The following PRTG variants were observed in gnomAD, a reference collection of about 807,000 sequenced individuals.
PRTG encodes the protein protogenin.
In PRTG, 67 loss-of-function variants were observed where a neutral mutation model predicts 122.5. That is an observed-to-expected ratio of 0.55 (90% CI 0.45 to 0.67). The LOEUF is 0.67. PRTG is among the 30% of genes least tolerant of loss of function. PRTG has a pLI of 0.00. For missense variants in PRTG, 1,435 were observed against 1,415.4 expected (o/e 1.01, Z -0.22); for synonymous variants, 554 against 501.1 (o/e 1.11, Z -1.41).
At chr15:55,737,731 C>T in intron 2 of PRTG, among the ~76,000 whole-genome samples, 1 of 151,884 alleles carries the variant, frequency 6.6e-6, no homozygotes, top group Non-Finnish European at 1.5e-5. Flanking sequence ...GCTTCTAGTT[C>T]CTAAGTTTAG....
intron 2 of PRTG, among the ~76,000 whole-genome samples, chr15:55,730,232 G>A (rs1359920238): frequency 6.6e-6 from 1 of 151,958 alleles, no homozygotes; most frequent in Non-Finnish European, 1.5e-5. Flanking sequence ...CTCCTGAGTA[G>A]CTGGCATTAC....
chr15:55,686,748 C>T, intron 2 of PRTG, among the ~76,000 whole-genome samples: 1 of 152,206 alleles, frequency 6.6e-6, no homozygotes, highest in East Asian at 1.9e-4. Context: ...GTTTCACTAA[C>T]ACTGAGCTAC....
chr15:55,731,875 C>T (rs1424731892), intron 2 of PRTG, among the ~76,000 whole-genome samples: 2 of 152,138 alleles, frequency 1.3e-5, no homozygotes, highest in Non-Finnish European at 1.5e-5. Context: ...GACAGAGATA[C>T]GTTCTGAGAA....
At chr15:55,720,508 T>A (rs4774803) in intron 2 of PRTG, among the ~76,000 whole-genome samples, 91,028 of 152,084 alleles carry the variant, frequency 0.6, 28,007 homozygotes, top group Non-Finnish European at 0.69. Context: ...GATGTTTCAT[T>A]TGTGAAACTT....
At position 55,638,619 on chromosome 15, in the gene PRTG, G is replaced by C. The variant is rs780229876; in HGVS notation, c.2382C>G (p.Ala794=). The C allele has an allele frequency of 1.4e-5, 23 of 1,612,936 alleles. No individual in the cohort carries two copies. The South Asian group carries it at 2.2e-4, about 15-fold the overall frequency. ...GLEPNTKYEF[A]VRLHVDQLSS... Reference sequence around the variant, plus strand: ...AAAGCTGATCCACATGTAATCGAACGGCAAATTCGTATTTGGTGTTTGGTT... The same window carrying C: ...AAAGCTGATCCACATGTAATCGAACCGCAAATTCGTATTTGGTGTTTGGTT... The change falls in exon 14 of 20, where the codon GCC becomes GCG. Residue 794 remains alanine (A), a synonymous_variant. Coordinates refer to ENST00000389286, the MANE Select transcript of PRTG (RefSeq NM_173814.6).
At position 55,683,872 on chromosome 15, in the gene PRTG, G is replaced by T; in HGVS notation, c.457C>A (p.Arg153=). ...STEVHEGGVA[R]FACKISSHPP... ...TGGGATGAAATCTTGCATGCAAATC[G>T]AGCAACTCCACCTTCGTGGACCTCA... Residue 153 remains arginine (R), a synonymous_variant, in exon 3 of 20, where the codon CGA becomes AGA. Coordinates refer to ENST00000389286, the MANE Select transcript of PRTG (RefSeq NM_173814.6). 6.2e-7 allele frequency: 1 copy of T among 1,613,792 alleles called. No individual in the cohort carries two copies. The highest frequency in any genetic ancestry group is 8.5e-7 in the Non-Finnish European group (1 of 1,179,754).
In PRTG at chr15:55,743,147, C is replaced by T. The variant is rs2031678093; in HGVS notation, c.-216G>A. On this transcript the variant is annotated 5_prime_UTR_variant, in exon 1 of 20. Coordinates refer to ENST00000389286, the MANE Select transcript of PRTG (RefSeq NM_173814.6). ...AGGGGCCTGAGAGTCCGGCTGGGGG[C>T]GGAGTGAGGCGGCGGCTGCAGAGGG... 2 of 1,242,036 alleles carry T rather than the reference C, an allele frequency of 1.6e-6. No individual in the cohort carries two copies. The highest frequency in any genetic ancestry group is 1.0e-6 in the Non-Finnish European group (1 of 995,036). The allele number at this position is 1,242,036 out of a possible 1,614,324, so 76.9% of individuals were successfully genotyped here.
intron 10 of PRTG, among the ~76,000 whole-genome samples, chr15:55,672,976 C>A (rs543244994): frequency 6.6e-6 from 1 of 151,976 alleles, no homozygotes; most frequent in African/African-American, 2.4e-5. Context: ...GAAAACCAGT[C>A]GTGTTACATT....
intron 12 of PRTG, 32 bp from the exon 13 acceptor site, chr15:55,639,860 C>A (rs370568879): frequency 1.9e-6 from 3 of 1,607,302 alleles, no homozygotes; most frequent in South Asian, 2.2e-5. Context: ...ATTTACGATA[C>A]GACATAACAT....
intron 16 of PRTG, among the ~76,000 whole-genome samples, chr15:55,628,273 T>G (rs558204470): frequency 6.6e-6 from 1 of 152,230 alleles, no homozygotes; most frequent in Non-Finnish European, 1.5e-5. Flanking sequence ...TGTCCAGTCC[T>G]GTGCTACAGG....
intron 11 of PRTG, among the ~76,000 whole-genome samples, chr15:55,664,556 G>A (rs2059427958): frequency 1.3e-5 from 2 of 152,126 alleles, no homozygotes; most frequent in East Asian, 1.9e-4. Flanking sequence ...ACATATGTAC[G>A]TAAAGTTCTA....
intron 17 of PRTG, among the ~76,000 whole-genome samples, chr15:55,626,335 A>C (rs981689993): frequency 6.6e-6 from 1 of 151,904 alleles, no homozygotes; most frequent in African/African-American, 2.4e-5. Context: ...CTTGAACCCA[A>C]AAGGTGAAGG....
intron 2 of PRTG, chr15:55,738,563 G>T: frequency 1.4e-6 from 1 of 698,622 alleles, no homozygotes; most frequent in Non-Finnish European, 2.6e-6. Context: ...AACTCTAAAA[G>T]GTGGGAAAAT....
chr15:55,718,260 T>C (rs983593862), intron 2 of PRTG, among the ~76,000 whole-genome samples: 1 of 152,196 alleles, frequency 6.6e-6, no homozygotes, highest in Non-Finnish European at 1.5e-5. Context: ...AAGATCTAAA[T>C]AATTCTTGTT....
In PRTG at chr15:55,711,081, A is replaced by ATTT. The variant is rs1168529643; in HGVS notation, c.398-27153_398-27151dup. On this transcript the variant is annotated intron_variant, in intron 2 of 19. Coordinates refer to ENST00000389286, the MANE Select transcript of PRTG (RefSeq NM_173814.6). ...GCCACCACACCCAGCTAATTTTTGT[A>ATTT]TTTTTTTTTTTTTTTTTTTTAGCAG... 2.2e-3 allele frequency among the ~76,000 whole-genome samples: 258 copies of ATTT among 115,446 alleles called. 2 individuals carry two copies. The South Asian group carries it at 0.029, about 13-fold the overall frequency. The allele number at this position is 115,446 out of a possible 152,430, so 75.7% of individuals were successfully genotyped here. A position where few individuals can be genotyped will look rare whatever the true frequency, so the allele number is the denominator to read the frequency against.
intron 11 of PRTG, among the ~76,000 whole-genome samples, chr15:55,663,778 G>T (rs1446781593): frequency 1.3e-5 from 2 of 152,112 alleles, no homozygotes; most frequent in African/African-American, 4.8e-5. Flanking sequence ...CTGACCTCAG[G>T]TGATCCACCC....
At chr15:55,680,341 C>A (rs2059530557) in intron 5 of PRTG, 129 bp from the exon 6 acceptor site, 2 of 1,109,288 alleles carry the variant, frequency 1.8e-6, no homozygotes. Flanking sequence ...ATGTTAAGAC[C>A]TTTTCTCTAC....
chr15:55,716,928 G>C (rs550673189), intron 2 of PRTG, among the ~76,000 whole-genome samples: 7 of 152,198 alleles, frequency 4.6e-5, no homozygotes, highest in African/African-American at 9.6e-5. Context: ...AATTAAAAAA[G>C]TTTTTCATTC....
chr15:55,727,503 T>TC (rs376193221), intron 2 of PRTG, among the ~76,000 whole-genome samples: 32 of 152,006 alleles, frequency 2.1e-4, no homozygotes, highest in African/African-American at 7.3e-4. Context: ...ATAAAAAATC[T>TC]CCCAACAATA....
Sources: gnomAD v4.1 joint callset for allele counts (sites outside exome capture counted in the v4.1 genomes callset) on GRCh38, gnomAD v4.1.1 for gene constraint, MANE v1.5 for transcripts, NCBI Gene and HGNC (gene_info 2026-07-23, HGNC 2026-07-21) for gene names.